The following AKAP6 variants were observed in gnomAD, a reference collection of about 807,000 sequenced individuals.
AKAP6 encodes the protein A-kinase anchor protein 6.
Under a neutral mutation model 188.5 loss-of-function variants are expected in AKAP6, and 58 were observed. The observed-to-expected ratio is 0.31, with a 90% CI of 0.25 to 0.38. AKAP6 has a LOEUF of 0.38. AKAP6 is among the 10% of genes least tolerant of loss of function. The probability of loss-of-function intolerance (pLI) is 1.00; values close to 1 mark genes in which losing one functional copy is unlikely to be tolerated. For synonymous variants in AKAP6, 989 were observed against 998.6 expected, an observed-to-expected ratio of 0.99 and a Z score of 0.18; for missense variants, 2,710 against 2,740.0, an observed-to-expected ratio of 0.99 and a Z score of 0.24.
intron 1 of AKAP6, among the ~76,000 whole-genome samples, chr14:32,422,964 T>C (rs2138671412): frequency 6.6e-6 from 1 of 152,334 alleles, no homozygotes; most frequent in East Asian, 1.9e-4. Context: ...ATTTAGTTTT[T>C]GTGAGTTGGT....
chr14:32,603,215 G>A (rs1038004382), intron 7 of AKAP6, among the ~76,000 whole-genome samples: 1 of 152,042 alleles, frequency 6.6e-6, no homozygotes, highest in Admixed American at 6.6e-5. Flanking sequence ...TGACATTATT[G>A]CGTTGCACTC....
chr14:32,503,047 G>A (rs1053822115), intron 2 of AKAP6, among the ~76,000 whole-genome samples: 20 of 152,120 alleles, frequency 1.3e-4, no homozygotes, highest in Admixed American at 1.0e-3. Flanking sequence ...CTAATTTACC[G>A]TCCAACCAGG....
At chr14:32,503,552 T>C (rs1880709415) in intron 2 of AKAP6, among the ~76,000 whole-genome samples, 1 of 152,150 alleles carries the variant, frequency 6.6e-6, no homozygotes, top group East Asian at 1.9e-4. Context: ...TACATTTTGA[T>C]CCCCTTTTGA....
intron 1 of AKAP6, among the ~76,000 whole-genome samples, chr14:32,394,346 C>T (rs970254430): frequency 3.3e-5 from 5 of 152,110 alleles, no homozygotes; most frequent in African/African-American, 1.2e-4. Flanking sequence ...ATTTAAGATT[C>T]CAAAGGAGCC....
intron 8 of AKAP6, among the ~76,000 whole-genome samples, chr14:32,694,955 G>A (rs1314968218): frequency 6.6e-6 from 1 of 152,152 alleles, no homozygotes; most frequent in African/African-American, 2.4e-5. Flanking sequence ...AAGACTGTAG[G>A]ATTTCTTTTA....
chr14:32,653,932 G>A (rs573029684), intron 7 of AKAP6, among the ~76,000 whole-genome samples: 2 of 152,132 alleles, frequency 1.3e-5, no homozygotes, highest in South Asian at 4.1e-4. Context: ...CTGAGTTTCT[G>A]CGTATTAAAA....
At chr14:32,588,899 A>G (rs749061825) in intron 5 of AKAP6, among the ~76,000 whole-genome samples, 1 of 152,224 alleles carries the variant, frequency 6.6e-6, no homozygotes, top group Non-Finnish European at 1.5e-5. Flanking sequence ...AAAAACCAAT[A>G]TACTTCTTAC....
At chr14:32,723,435 A>G (rs1017716626) in intron 9 of AKAP6, among the ~76,000 whole-genome samples, 1 of 152,158 alleles carries the variant, frequency 6.6e-6, no homozygotes, top group African/African-American at 2.4e-5. Flanking sequence ...AGATATTATA[A>G]AGTAGTTGCC....
At position 32,833,779 on chromosome 14, in the gene AKAP6, A is replaced by G. The variant is rs942655310; in HGVS notation, c.*3974A>G. The G allele has an allele frequency of 1.3e-5, 2 of 152,234 alleles. No homozygotes were observed. The highest frequency in any genetic ancestry group is 2.9e-5 in the Non-Finnish European group (2 of 68,046). 9.4% of individuals were successfully genotyped at this position (152,234 alleles called of 1,614,324 possible). On this transcript the variant is annotated 3_prime_UTR_variant, in exon 14 of 14. Coordinates refer to ENST00000280979, the MANE Select transcript of AKAP6 (RefSeq NM_004274.5). The stretch of plus-strand genomic sequence containing the variant: ...GTGTCATATAATTCTTATATTTTAA[A>G]TATAAATCGAACCAACTAAATTTAC...
chr14:32,568,714 GTGTT>G lies in AKAP6; in HGVS notation c.2347-8403_2347-8400del, dbSNP rs1450758777. On this transcript the variant is annotated intron_variant, in intron 4 of 13. Coordinates refer to ENST00000280979, the MANE Select transcript of AKAP6 (RefSeq NM_004274.5). The surrounding 1 kb of genome is among the most constrained non-coding windows in gnomAD (Gnocchi z 6.2). ...CCTGACAATGTTGGGAGCTTGTAAA[GTGTT>G]TGATCTTGTCTGTGCTTCAGTTTCC... 1.3e-5 allele frequency among the ~76,000 whole-genome samples: 2 copies of G among 152,138 alleles called. No individual in the cohort carries two copies. The highest frequency in any genetic ancestry group is 2.9e-5 in the Non-Finnish European group (2 of 68,032).
chr14:32,726,556 G>T (rs2139809490), intron 9 of AKAP6, among the ~76,000 whole-genome samples: 1 of 152,362 alleles, frequency 6.6e-6, no homozygotes, highest in South Asian at 2.1e-4. Context: ...ACATCTTGAA[G>T]AGATCATTTT....
intron 5 of AKAP6, among the ~76,000 whole-genome samples, chr14:32,591,832 A>C (rs1367135492): frequency 6.6e-6 from 1 of 152,136 alleles, no homozygotes; most frequent in East Asian, 1.9e-4. Flanking sequence ...TAGCCACTTC[A>C]TTTTGTTGGG....
rs116934811 is a variant in AKAP6 at position 32,369,035 on chromosome 14, G to C, written c.-35+39627G>C. Reference sequence around the variant, plus strand: ...TGGAGGCACTTTTGAGAATGAACGGGCTTTATTAATAATTATTCTGGGACA... The same window carrying C: ...TGGAGGCACTTTTGAGAATGAACGGCCTTTATTAATAATTATTCTGGGACA... On this transcript the variant is annotated intron_variant, in intron 1 of 13. Transcript: ENST00000280979. Among the ~76,000 whole-genome samples, 247 of 152,214 alleles carry C rather than the reference G, an allele frequency of 1.6e-3. 7 individuals carry two copies. The East Asian group carries it at 0.043, about 26-fold the overall frequency.
At chr14:32,638,901 G>T (rs1240805564) in intron 7 of AKAP6, among the ~76,000 whole-genome samples, 1 of 151,628 alleles carries the variant, frequency 6.6e-6, no homozygotes, top group African/African-American at 2.4e-5. Flanking sequence ...ATGAGGGAAT[G>T]AATGATATCT....
At chr14:32,474,256 A>C (rs1878938447) in intron 2 of AKAP6, 1 of 152,154 alleles carries the variant, frequency 6.6e-6, no homozygotes, top group Non-Finnish European at 1.5e-5. Context: ...AAGCGATTCT[A>C]CTTCCTCAAC....
At chr14:32,359,639 C>T (rs1887596072) in intron 1 of AKAP6, among the ~76,000 whole-genome samples, 1 of 151,600 alleles carries the variant, frequency 6.6e-6, no homozygotes, top group Non-Finnish European at 1.5e-5. Flanking sequence ...TTTAGTTACC[C>T]TATGTCCTTA....
chr14:32,510,123 T>A (rs1390712505), intron 2 of AKAP6, among the ~76,000 whole-genome samples: 3 of 151,900 alleles, frequency 2.0e-5, no homozygotes, highest in African/African-American at 7.3e-5. Flanking sequence ...AGCACCAGAT[T>A]CCAGGGCTCT....
chr14:32,393,269 T>G (rs1358937102), intron 1 of AKAP6, among the ~76,000 whole-genome samples: 1 of 152,126 alleles, frequency 6.6e-6, no homozygotes, highest in Non-Finnish European at 1.5e-5. Context: ...TAAATGACAG[T>G]CTTGCCAAAA....
In AKAP6 at chr14:32,409,106, A is replaced by G. The variant is rs549756323; in HGVS notation, c.-34-24354A>G. On this transcript the variant is annotated intron_variant, in intron 1 of 13. Coordinates refer to ENST00000280979, the MANE Select transcript of AKAP6 (RefSeq NM_004274.5). ...TCCCAGCCACTCAGGAGGCTGAGGCAGGAGAATCACTTGAACCTGGCAGGT... is the reference window on the plus strand; with the variant it reads ...TCCCAGCCACTCAGGAGGCTGAGGCGGGAGAATCACTTGAACCTGGCAGGT... Among the ~76,000 whole-genome samples, 35 of 152,318 alleles carry G rather than the reference A, an allele frequency of 2.3e-4. 1 individual carries two copies. The South Asian group carries it at 7.0e-3, about 31-fold the overall frequency.
Sources: allele counts gnomAD v4.1 joint callset (sites outside exome capture counted in the v4.1 genomes callset), GRCh38; gene constraint gnomAD v4.1.1; non-coding constraint Gnocchi (gnomAD v3.1); transcripts MANE v1.5; gene names NCBI Gene and HGNC (gene_info 2026-07-23, HGNC 2026-07-21).